PIK3C2G: variants seen among roughly 807,000 people sequenced by gnomAD.
The protein encoded by PIK3C2G is phosphatidylinositol-4-phosphate 3-kinase catalytic subunit type 2 gamma.
In PIK3C2G, 168 loss-of-function variants were observed where a neutral mutation model predicts 181.1. The observed-to-expected ratio is 0.93, with a 90% CI of 0.82 to 1.05. The LOEUF is 1.05. PIK3C2G is among the 50% of genes least tolerant of loss of function. The probability of loss-of-function intolerance (pLI) is 0.00; values close to 1 mark genes in which losing one functional copy is unlikely to be tolerated. For synonymous variants in PIK3C2G, 573 were observed against 592.2 expected, an observed-to-expected ratio of 0.97 and a Z score of 0.47; for missense variants, 1,869 against 1,732.8, an observed-to-expected ratio of 1.08 and a Z score of -1.40.
intron 18 of PIK3C2G, among the ~76,000 whole-genome samples, chr12:18,436,457 G>C (rs1480823548): frequency 6.6e-6 from 1 of 152,052 alleles, no homozygotes; most frequent in Non-Finnish European, 1.5e-5. Flanking sequence ...AATAAAAGCA[G>C]ATTCTTTTTG....
intron 24 of PIK3C2G, among the ~76,000 whole-genome samples, chr12:18,509,405 G>T (rs2136134980): frequency 6.6e-6 from 1 of 152,290 alleles, no homozygotes; most frequent in African/African-American, 2.4e-5. Context: ...ACACAGCAAA[G>T]AGGTGATATA....
chr12:18,261,220 G>A (rs186671594), upstream of PIK3C2G, among the ~76,000 whole-genome samples: 1 of 152,124 alleles, frequency 6.6e-6, no homozygotes, highest in East Asian at 1.9e-4. Context: ...TAATTTGAGG[G>A]GAAATATGCC....
chr12:18,591,512 AAG>A (rs1947078716), intron 29 of PIK3C2G, among the ~76,000 whole-genome samples: 1 of 151,914 alleles, frequency 6.6e-6, no homozygotes, highest in Non-Finnish European at 1.5e-5. Flanking sequence ...GCAGAAAAGA[AAG>A]AGAAAGGAAA....
chr12:18,671,792 C>G, the PIK3C2G span, among the ~76,000 whole-genome samples: 3 of 152,076 alleles, frequency 2.0e-5, no homozygotes, highest in African/African-American at 7.2e-5. Flanking sequence ...AAATATCATC[C>G]ATGGAGGGGC....
At chr12:18,678,974 G>C in the PIK3C2G span, among the ~76,000 whole-genome samples, 1 of 152,116 alleles carries the variant, frequency 6.6e-6, no homozygotes, top group South Asian at 2.1e-4. Context: ...ATTGAGTTCA[G>C]TTCTCCACAT....
At chr12:18,693,333 GAT>G in the PIK3C2G span, 71,095 of 1,561,378 alleles carry the variant, frequency 0.046, 1,870 homozygotes, top group Non-Finnish European at 0.054. Flanking sequence ...GACCTATGCA[GAT>G]ACTGGGGGGT....
intron 14 of PIK3C2G, among the ~76,000 whole-genome samples, chr12:18,383,008 C>T (rs1238037133): frequency 2.0e-5 from 3 of 152,146 alleles, no homozygotes; most frequent in African/African-American, 7.2e-5. Context: ...AAAAAGAATG[C>T]TTATTCAGAT....
rs921657019 is a variant in PIK3C2G at position 18,515,516 on chromosome 12, C to T, written c.3323+10055C>T. Among the ~76,000 whole-genome samples the T allele has an allele frequency of 2.4e-4, 37 of 152,032 alleles. 1 individual carries two copies. The highest frequency in any genetic ancestry group is 8.2e-4 in the African/African-American group (34 of 41,536). ...TTTCCAGTTTGTTGGCATATAATTG[C>T]CCATAATAGTCTCTTCTGAGCCTTT... On this transcript the variant is annotated intron_variant, in intron 24 of 32. Transcript: ENST00000538779.
chr12:18,275,534 A>T (rs948095349), intron 1 of PIK3C2G, among the ~76,000 whole-genome samples: 1 of 152,140 alleles, frequency 6.6e-6, no homozygotes, highest in African/African-American at 2.4e-5. Context: ...GGCGTCCGCC[A>T]CCACGCCTGC....
intron 22 of PIK3C2G, among the ~76,000 whole-genome samples, chr12:18,500,923 C>T (rs997221433): frequency 4.6e-5 from 7 of 151,874 alleles, no homozygotes; most frequent in African/African-American, 1.7e-4. Context: ...AGCGGGACCA[C>T]GAACCCACCG....
At chr12:18,434,411 C>A (rs1451052091) in intron 18 of PIK3C2G, among the ~76,000 whole-genome samples, 1 of 151,942 alleles carries the variant, frequency 6.6e-6, no homozygotes, top group African/African-American at 2.4e-5. Flanking sequence ...AACCTGGACC[C>A]AAATAAGATA....
chr12:18,424,894 T>C (rs1482840460), intron 18 of PIK3C2G: 2 of 206,874 alleles, frequency 9.7e-6, no homozygotes, highest in Admixed American at 4.3e-5. Context: ...GTACTTTAAA[T>C]ATCTTTAATG....
upstream of PIK3C2G, among the ~76,000 whole-genome samples, chr12:18,243,435 A>G (rs1207784986): frequency 6.6e-6 from 1 of 152,046 alleles, no homozygotes; most frequent in Non-Finnish European, 1.5e-5. Context: ...AGGTTAAATC[A>G]TATGTTAAAG....
intron 28 of PIK3C2G, 140 bp downstream of exon 28, chr12:18,563,638 G>C: frequency 1.5e-6 from 1 of 671,884 alleles, no homozygotes; most frequent in South Asian, 2.8e-5. Context: ...CCAGCAGAGA[G>C]TCTGAATTGC....
chr12:18,370,749 G>C (rs984215591), intron 12 of PIK3C2G, among the ~76,000 whole-genome samples: 1 of 152,114 alleles, frequency 6.6e-6, no homozygotes, highest in East Asian at 1.9e-4. Flanking sequence ...ATATGCCCTT[G>C]TCTGTGCTTT....
At chr12:18,433,373 C>T (rs557502353) in intron 18 of PIK3C2G, among the ~76,000 whole-genome samples, 80 of 151,850 alleles carry the variant, frequency 5.3e-4, no homozygotes, top group African/African-American at 1.8e-3. Context: ...ATTAGCTGGG[C>T]GTGGTGGCAG....
chr12:18,258,618 T>G (rs545006776), upstream of PIK3C2G, among the ~76,000 whole-genome samples: 1 of 151,926 alleles, frequency 6.6e-6, no homozygotes, highest in East Asian at 1.9e-4. Flanking sequence ...GATTTCCTTT[T>G]TTTTTTTTTT....
intron 5 of PIK3C2G, among the ~76,000 whole-genome samples, chr12:18,295,176 T>C (rs1949884892): frequency 6.6e-6 from 1 of 151,416 alleles, no homozygotes; most frequent in Admixed American, 6.6e-5. Context: ...ACATATGTTT[T>C]GTTGCACTAA....
chr12:18,671,863 G>A, the PIK3C2G span, among the ~76,000 whole-genome samples: 17 of 152,058 alleles, frequency 1.1e-4, no homozygotes, highest in Non-Finnish European at 2.2e-4. Context: ...AGATCAAGGC[G>A]CCTGCAGATT....
Sources: allele counts gnomAD v4.1 joint callset (sites outside exome capture counted in the v4.1 genomes callset), GRCh38; gene constraint gnomAD v4.1.1; transcripts MANE v1.5; gene names NCBI Gene and HGNC (gene_info 2026-07-23, HGNC 2026-07-21).